The following CHD1L variants were observed in gnomAD, a reference collection of about 807,000 sequenced individuals.
CHD1L encodes the protein chromodomain helicase DNA binding protein 1 like.
In CHD1L, 118 loss-of-function variants were observed where a neutral mutation model predicts 115.9. The observed-to-expected ratio is 1.02, with a 90% CI of 0.88 to 1.19. The LOEUF (loss-of-function observed/expected upper bound fraction) is 1.19. Among genes scored for constraint, CHD1L ranks in the 50% most tolerant of loss-of-function variants. The pLI is 0.00. For missense variants in CHD1L, 1,179 were observed against 1,065.3 expected, an observed-to-expected ratio of 1.11 and a Z score of -1.49; for synonymous variants, 411 against 387.1, an observed-to-expected ratio of 1.06 and a Z score of -0.72.
In CHD1L at chr1:147,294,401, C is replaced by A. The variant is rs1553974303; in HGVS notation, c.2507-8C>A. 2 of 1,604,514 alleles carry A rather than the reference C, an allele frequency of 1.2e-6. No homozygotes were observed. The highest frequency in any genetic ancestry group is 2.2e-5 in the East Asian group (1 of 44,532). ...GAGTGAAGACATGTGTTCTTCTCTT[C>A]ATAATAGCAAGTGTTCATCTTCCAC... On this transcript the variant is annotated splice_polypyrimidine_tract_variant and splice_region_variant and intron_variant, in intron 21 of 22. Coordinates refer to ENST00000369258, the MANE Select transcript of CHD1L (RefSeq NM_004284.6).
chr1:147,281,574 G>A (rs920378342), intron 15 of CHD1L, among the ~76,000 whole-genome samples: 8 of 152,010 alleles, frequency 5.3e-5, no homozygotes, highest in African/African-American at 7.3e-5. Flanking sequence ...TTTTATCTTC[G>A]AAATTCTTTA....
At chr1:147,187,089 G>T in the CHD1L span, 1 of 1,614,130 alleles carries the variant, frequency 6.2e-7, no homozygotes, top group Non-Finnish European at 8.5e-7. Context: ...CACGATAGTG[G>T]ATTGGAGTGC....
At chr1:147,233,031 C>T in the CHD1L span, among the ~76,000 whole-genome samples, 13,916 of 151,748 alleles carry the variant, frequency 0.092, 693 homozygotes, top group East Asian at 0.15. Context: ...TCTTCCCGGC[C>T]GCCATCCCAT....
chr1:147,259,286 C>G (rs782670569), intron 5 of CHD1L: 2 of 152,216 alleles, frequency 1.3e-5, no homozygotes, highest in Non-Finnish European at 2.9e-5. Context: ...GTGGATATAT[C>G]TTCCTGGACA....
At chr1:147,206,027 G>A in the CHD1L span, among the ~76,000 whole-genome samples, 5,566 of 151,108 alleles carry the variant, frequency 0.037, 163 homozygotes, top group South Asian at 0.095. Context: ...TCTGACAAAG[G>A]GCTAATATCC....
At chr1:147,206,626 A>G in the CHD1L span, among the ~76,000 whole-genome samples, 1 of 152,182 alleles carries the variant, frequency 6.6e-6, no homozygotes, top group African/African-American at 2.4e-5. Flanking sequence ...ACATGGATGA[A>G]GCTAGAAACC....
intron 7 of CHD1L, 84 bp from the exon 8 acceptor site, chr1:147,265,848 A>G: frequency 7.7e-7 from 1 of 1,290,540 alleles, no homozygotes. Flanking sequence ...AAGAAACAAA[A>G]ATAAATTTCT....
intron 15 of CHD1L, 112 bp from the exon 16 acceptor site, chr1:147,284,239 C>A: frequency 2.5e-6 from 2 of 813,402 alleles, no homozygotes; most frequent in Non-Finnish European, 3.8e-6. Context: ...ATGGACTTAG[C>A]CCATTTAGAA....
At chr1:147,207,259 G>C in the CHD1L span, among the ~76,000 whole-genome samples, 1 of 152,124 alleles carries the variant, frequency 6.6e-6, no homozygotes, top group East Asian at 1.9e-4. Context: ...TGCTCTATAT[G>C]TATGGACCTA....
chr1:147,277,496 T>C (rs1446496016), intron 14 of CHD1L, among the ~76,000 whole-genome samples: 1 of 152,164 alleles, frequency 6.6e-6, no homozygotes, highest in Non-Finnish European at 1.5e-5. Flanking sequence ...CAGGAAAGGC[T>C]CAAGGTTTTA....
intron 14 of CHD1L, among the ~76,000 whole-genome samples, chr1:147,278,251 A>G (rs1299991931): frequency 4.4e-5 from 4 of 90,108 alleles, no homozygotes; most frequent in African/African-American, 4.3e-5. Context: ...TTTGAGACAG[A>G]GTCTCGTTCT....
At chr1:147,231,203 T>A in the CHD1L span, among the ~76,000 whole-genome samples, 2 of 152,220 alleles carry the variant, frequency 1.3e-5, no homozygotes, top group East Asian at 3.8e-4. Flanking sequence ...TCTGGTACAC[T>A]GTGTCTTTGT....
At chr1:147,203,642 G>C in the CHD1L span, 1 of 1,331,968 alleles carries the variant, frequency 7.5e-7, no homozygotes, top group Admixed American at 1.7e-5. Flanking sequence ...TTCAAGTCCA[G>C]GACATGTCTC....
At chr1:147,191,437 A>G in the CHD1L span, among the ~76,000 whole-genome samples, 1 of 152,138 alleles carries the variant, frequency 6.6e-6, no homozygotes, top group Non-Finnish European at 1.5e-5. Flanking sequence ...ATGGCCAGCG[A>G]TGATGAGAAT....
intron 14 of CHD1L, among the ~76,000 whole-genome samples, chr1:147,277,517 G>T (rs1045872331): frequency 6.6e-6 from 1 of 152,152 alleles, no homozygotes; most frequent in Non-Finnish European, 1.5e-5. Flanking sequence ...TTAATTTTGG[G>T]ACTAGAACTA....
In CHD1L at chr1:147,295,563, A is replaced by G. The variant is rs1687237673; in HGVS notation, c.*54A>G. 6 of 1,274,732 alleles carry G rather than the reference A, an allele frequency of 4.7e-6. No homozygotes were observed. The South Asian group carries it at 7.4e-5, about 16-fold the overall frequency. The allele number at this position is 1,274,732 out of a possible 1,614,324, so 79.0% of individuals were successfully genotyped here. On this transcript the variant is annotated 3_prime_UTR_variant, in exon 23 of 23. Transcript: ENST00000369258. Reference sequence around the variant, plus strand: ...TAGCAACCAGCTAATATTTACCCAGAGGTACTGCAATAGAGTATTTCAAAA... The same window carrying G: ...TAGCAACCAGCTAATATTTACCCAGGGGTACTGCAATAGAGTATTTCAAAA...
At chr1:147,251,786 C>G (rs1340393768) in intron 1 of CHD1L, among the ~76,000 whole-genome samples, 1 of 152,158 alleles carries the variant, frequency 6.6e-6, no homozygotes, top group Admixed American at 6.5e-5. Flanking sequence ...CTGCCTCAGC[C>G]TCCCAAAGTG....
the CHD1L span, among the ~76,000 whole-genome samples, chr1:147,233,456 G>A: frequency 1.5e-3 from 160 of 110,116 alleles, no homozygotes; most frequent in Non-Finnish European, 2.1e-3. Flanking sequence ...CAGCCGCCCC[G>A]TCCGGGAGGG....
chr1:147,276,109 T>C lies in CHD1L; in HGVS notation c.1391T>C (p.Val464Ala), dbSNP rs545692282. 11 of 1,614,066 alleles carry C rather than the reference T, an allele frequency of 6.8e-6. 2 individuals carry two copies. In the Admixed American group the frequency reaches 1.8e-4, roughly 27 times the overall value. The change falls in exon 14 of 23, where the codon GTT (valine) becomes GCT (alanine). Residue 464 changes from valine to alanine, a missense_variant. Physicochemically the swap from Val to Ala is moderately conservative, Grantham distance 64. Transcript: ENST00000369258. Reference sequence around the variant, plus strand: ...CTTGTTTGACTTATGTCCAGGTCTGTTAAAGTTATTCGGCTGATTGGTCGA... The same window carrying C: ...CTTGTTTGACTTATGTCCAGGTCTGCTAAAGTTATTCGGCTGATTGGTCGA... ...RAHRIGQNKS[V>A]KVIRLIGRDT...
Sources: allele counts gnomAD v4.1 joint callset (sites outside exome capture counted in the v4.1 genomes callset), GRCh38; gene constraint gnomAD v4.1.1; transcripts MANE v1.5; gene names NCBI Gene and HGNC (gene_info 2026-07-23, HGNC 2026-07-21).